USH2A: variants seen among roughly 807,000 people sequenced by gnomAD.
The protein encoded by USH2A is usherin.
A neutral mutation model predicts 538.9 loss-of-function variants in USH2A; 443 were observed. The observed-to-expected ratio is 0.82, with a 90% CI of 0.76 to 0.89. The LOEUF (loss-of-function observed/expected upper bound fraction) is 0.89. Among genes scored for constraint, USH2A ranks in the 40% least tolerant of loss-of-function variants. The probability of loss-of-function intolerance (pLI) is 0.00; values close to 1 mark genes in which losing one functional copy is unlikely to be tolerated. For missense variants in USH2A, 6,633 were observed against 6,324.8 expected (o/e 1.05, Z -1.65); for synonymous variants, 2,413 against 2,273.5 (o/e 1.06, Z -1.75).
At chr1:216,257,290 C>T in intron 11 of USH2A, among the ~76,000 whole-genome samples, 1 of 151,746 alleles carries the variant, frequency 6.6e-6, no homozygotes, top group East Asian at 1.9e-4. Context: ...GATATCTTTA[C>T]TAGATATAGA....
intron 36 of USH2A, 39 bp downstream of exon 36, chr1:215,970,586 C>A: frequency 6.2e-7 from 1 of 1,612,972 alleles, no homozygotes; most frequent in Non-Finnish European, 8.5e-7. Flanking sequence ...TGTCATCTGA[C>A]ATTTAACACA....
chr1:216,016,282 T>A (rs983885596), intron 32 of USH2A, among the ~76,000 whole-genome samples: 1 of 152,106 alleles, frequency 6.6e-6, no homozygotes, highest in South Asian at 2.1e-4. Flanking sequence ...ACATGGCACA[T>A]GTATACATAT....
chr1:216,196,806 A>G, intron 18 of USH2A, 84 bp from the exon 19 acceptor site: 1 of 1,446,100 alleles, frequency 6.9e-7, no homozygotes, highest in Non-Finnish European at 9.5e-7. Context: ...ACATTCATTT[A>G]GTTTCTGAAA....
At chr1:215,849,683 G>A (rs1663966664) in intron 44 of USH2A, among the ~76,000 whole-genome samples, 3 of 152,046 alleles carry the variant, frequency 2.0e-5, no homozygotes, top group Admixed American at 2.0e-4. Flanking sequence ...ACATATCATG[G>A]AATATTGAAA....
Position 216,217,503 on chromosome 1 carries a change from C to G in USH2A, c.3041G>C (p.Cys1014Ser), listed in dbSNP as rs760117356. 1.9e-6 allele frequency: 3 copies of G among 1,613,118 alleles called. No homozygotes were observed. Among genetic ancestry groups the G allele is most frequent in the Admixed American group, 1.7e-5 (1 of 59,914 alleles). Residue 1014 changes from cysteine (C) to serine (S), a missense_variant, in exon 15 of 72, where the codon TGT (cysteine) becomes TCT (serine). Coordinates refer to ENST00000307340, the MANE Select transcript of USH2A (RefSeq NM_206933.4). ...GAAACACTGGCCTGTGACCAAGTGA[C>G]AGGTTTCATTCAAGGCTCCTGAGAG... ...CHLSGALNET[C>S]HLVTGQCFCK...
intron 4 of USH2A, among the ~76,000 whole-genome samples, chr1:216,337,658 A>G (rs938695671): frequency 7.9e-5 from 12 of 151,310 alleles, no homozygotes; most frequent in Non-Finnish European, 1.8e-4. Flanking sequence ...CAAGATTGTT[A>G]AAGGAATGTC....
chr1:215,782,922 C>A lies in USH2A; in HGVS notation c.10401G>T (p.Lys3467Asn). 1 of 1,613,360 alleles carries A rather than the reference C, an allele frequency of 6.2e-7. No individual in the cohort carries two copies. The highest frequency in any genetic ancestry group is 8.5e-7 in the Non-Finnish European group (1 of 1,179,682). Residue 3467 changes from lysine to asparagine, a missense_variant, in exon 53 of 72, where the codon AAG (lysine) becomes AAT (asparagine). Coordinates refer to ENST00000307340, the MANE Select transcript of USH2A (RefSeq NM_206933.4). ...NTYSYTDVNLKPYMTYEYRIS... is the reference protein window; with the variant it reads ...NTYSYTDVNLNPYMTYEYRIS... ...TCCTGTACTCATATGTCATGTAGGG[C>A]TTGAGGTTCACATCTGGAAAGAGAA...
intron 44 of USH2A, among the ~76,000 whole-genome samples, chr1:215,859,300 C>T (rs189963634): frequency 6.6e-6 from 1 of 152,054 alleles, no homozygotes; most frequent in East Asian, 1.9e-4. Context: ...TTTGGAAGGC[C>T]GAGGCGGGAG....
chr1:216,007,758 C>T (rs1156926010), intron 32 of USH2A, among the ~76,000 whole-genome samples: 1 of 152,220 alleles, frequency 6.6e-6, no homozygotes, highest in East Asian at 1.9e-4. Flanking sequence ...TGGGTGGCCA[C>T]ACTCCAGATG....
At chr1:216,027,731 G>C (rs896647462) in intron 32 of USH2A, among the ~76,000 whole-genome samples, 1 of 152,052 alleles carries the variant, frequency 6.6e-6, no homozygotes, top group Non-Finnish European at 1.5e-5. Context: ...CAGCAGACTA[G>C]CTTTAAATTT....
chr1:215,782,232 G>C (rs1332696673), intron 53 of USH2A, 36 bp from the exon 54 acceptor site: 1 of 1,607,058 alleles, frequency 6.2e-7, no homozygotes, highest in South Asian at 1.1e-5. Context: ...ATTTGAATGT[G>C]ATATCATTTT....
intron 70 of USH2A, among the ~76,000 whole-genome samples, chr1:215,630,527 T>TATATGTATGAGA (rs1553248492): frequency 8.2e-6 from 1 of 121,782 alleles, no homozygotes; most frequent in African/African-American, 3.6e-5. Flanking sequence ...TATATATATA[T>TATATGTATGAGA]GAGAGAGAGA....
intron 70 of USH2A, among the ~76,000 whole-genome samples, chr1:215,633,964 AG>A (rs1248057392): frequency 6.6e-6 from 1 of 152,160 alleles, no homozygotes; most frequent in African/African-American, 2.4e-5. Context: ...TCAGGACCAG[AG>A]GACAGACCGA....
At chr1:215,774,418 T>G (rs138214588) in intron 55 of USH2A, among the ~76,000 whole-genome samples, 14 of 151,582 alleles carry the variant, frequency 9.2e-5, no homozygotes, top group African/African-American at 2.9e-4. Flanking sequence ...CCCTTTTTCT[T>G]TGGTGGTGTC....
rs76728568 is a variant in USH2A at position 215,708,509 on chromosome 1, C to A, written c.12066+19521G>T. ...CCCCAACCTTTTGGGCACCAGGGAT[C>A]CGTTTCATGGAAGACAATTTTTCCA... On this transcript the variant is annotated intron_variant, in intron 61 of 71. Transcript: ENST00000307340. Among the ~76,000 whole-genome samples, 101 of 152,266 alleles carry A rather than the reference C, an allele frequency of 6.6e-4. No individual in the cohort carries two copies. The East Asian group carries it at 0.016, about 24-fold the overall frequency.
chr1:216,174,178 T>G (rs1366450792), intron 21 of USH2A: 20 of 984,852 alleles, frequency 2.0e-5, no homozygotes, highest in Non-Finnish European at 2.2e-5. Context: ...CAATACAAAT[T>G]TTTATAGCTC....
chr1:216,043,732 C>T (rs2030390115), intron 32 of USH2A, among the ~76,000 whole-genome samples: 1 of 152,036 alleles, frequency 6.6e-6, no homozygotes, highest in African/African-American at 2.4e-5. Flanking sequence ...CCTACACTGC[C>T]CTTTTTCCGG....
chr1:216,264,111 T>A (rs747489981), intron 11 of USH2A, among the ~76,000 whole-genome samples: 2 of 152,006 alleles, frequency 1.3e-5, no homozygotes, highest in Non-Finnish European at 2.9e-5. Context: ...AGAGGACACA[T>A]AAGAAAATGG....
chr1:215,693,150 GTA>G (rs1658679268), intron 61 of USH2A, among the ~76,000 whole-genome samples: 1 of 126,610 alleles, frequency 7.9e-6, no homozygotes, highest in Admixed American at 8.2e-5. Context: ...ACACACATAT[GTA>G]TTTTTTTTTG....
Sources: gnomAD v4.1 joint callset for allele counts (sites outside exome capture counted in the v4.1 genomes callset) on GRCh38, gnomAD v4.1.1 for gene constraint, MANE v1.5 for transcripts, NCBI Gene and HGNC (gene_info 2026-07-23, HGNC 2026-07-21) for gene names.